Variants in KCNH7 observed in about 807,000 individuals in gnomAD.
KCNH7 encodes the protein potassium voltage-gated channel subfamily H member 7.
A neutral mutation model predicts 120.8 loss-of-function variants in KCNH7; 49 were observed. The ratio of observed to expected loss-of-function variants is 0.41; its 90% CI spans 0.32 to 0.51. The LOEUF is 0.51. Among genes scored for constraint, KCNH7 ranks in the 20% least tolerant of loss-of-function variants. The pLI is 0.38. For missense variants in KCNH7, 1,097 were observed against 1,446.6 expected, an observed-to-expected ratio of 0.76 and a Z score of 3.92; for synonymous variants, 547 against 516.1, an observed-to-expected ratio of 1.06 and a Z score of -0.81.
chr2:162,760,939 A>G (rs895762352), intron 2 of KCNH7, among the ~76,000 whole-genome samples: 5 of 152,274 alleles, frequency 3.3e-5, no homozygotes, highest in Middle Eastern at 3.4e-3. Flanking sequence ...TACGTGTAGA[A>G]TAGCAACTAA....
intron 6 of KCNH7, among the ~76,000 whole-genome samples, chr2:162,496,375 G>A (rs1690497932): frequency 6.6e-6 from 1 of 152,110 alleles, no homozygotes; most frequent in Non-Finnish European, 1.5e-5. Flanking sequence ...AAGCATGCCT[G>A]CAGTGGACTA....
chr2:162,568,013 A>C (rs1484784976), intron 2 of KCNH7, among the ~76,000 whole-genome samples: 1 of 152,046 alleles, frequency 6.6e-6, no homozygotes, highest in East Asian at 1.9e-4. Flanking sequence ...GTAATTTATA[A>C]ATTAAAAAGT....
At chr2:162,645,924 C>A (rs911391067) in intron 2 of KCNH7, among the ~76,000 whole-genome samples, 1 of 152,122 alleles carries the variant, frequency 6.6e-6, no homozygotes, top group African/African-American at 2.4e-5. Context: ...CACAAATCAC[C>A]CTTTTCCCTG....
chr2:162,475,990 C>T (rs1689727724), intron 6 of KCNH7, among the ~76,000 whole-genome samples: 1 of 152,196 alleles, frequency 6.6e-6, no homozygotes, highest in African/African-American at 2.4e-5. Flanking sequence ...TGAGATAATT[C>T]AACCTGGAAT....
chr2:162,584,108 G>A (rs2105921459), intron 2 of KCNH7, among the ~76,000 whole-genome samples: 1 of 152,192 alleles, frequency 6.6e-6, no homozygotes, highest in Non-Finnish European at 1.5e-5. Context: ...ACTGCATGTG[G>A]AATTGCTCTT....
At chr2:162,372,242 A>G (rs1279669529) in intron 15 of KCNH7, 147 bp from the exon 16 acceptor site, 2 of 671,042 alleles carry the variant, frequency 3.0e-6, no homozygotes, top group Non-Finnish European at 5.0e-6. Flanking sequence ...TCCTAAAATG[A>G]GTCAGGACGT....
intron 2 of KCNH7, among the ~76,000 whole-genome samples, chr2:162,657,108 C>T (rs1684790142): frequency 6.6e-6 from 1 of 152,210 alleles, no homozygotes; most frequent in African/African-American, 2.4e-5. Flanking sequence ...CCACAACCTG[C>T]ACCAGATTGG....
At chr2:162,809,305 G>T (rs1198297813) in intron 2 of KCNH7, among the ~76,000 whole-genome samples, 2 of 152,142 alleles carry the variant, frequency 1.3e-5, no homozygotes, top group African/African-American at 2.4e-5. Context: ...TAAGTCATAG[G>T]TCTGTTAACA....
chr2:162,389,692 C>T (rs980779608), intron 12 of KCNH7, among the ~76,000 whole-genome samples: 1 of 152,020 alleles, frequency 6.6e-6, no homozygotes, highest in Non-Finnish European at 1.5e-5. Flanking sequence ...ATATTTGAGG[C>T]GTTTCCACGC....
chr2:162,571,898 A>C (rs1693492044), intron 2 of KCNH7, among the ~76,000 whole-genome samples: 1 of 152,026 alleles, frequency 6.6e-6, no homozygotes. Flanking sequence ...AATCAATTCA[A>C]GATAGATTAA....
chr2:162,406,221 G>T (rs1319822792), intron 9 of KCNH7, among the ~76,000 whole-genome samples: 1 of 151,704 alleles, frequency 6.6e-6, no homozygotes, highest in African/African-American at 2.4e-5. Context: ...TTAAACGCCA[G>T]AACAAGTCTC....
chr2:162,762,196 G>A (rs1477959010), intron 2 of KCNH7, among the ~76,000 whole-genome samples: 1 of 150,444 alleles, frequency 6.6e-6, no homozygotes, highest in African/African-American at 2.4e-5. Flanking sequence ...CTTTTTCATG[G>A]CTTTTTTGTT....
chr2:162,371,447 C>A lies in KCNH7; in HGVS notation c.*382G>T. 7.8e-7 allele frequency: 1 copy of A among 1,274,410 alleles called. No individual in the cohort carries two copies. The highest frequency in any genetic ancestry group is 1.3e-5 in the South Asian group (1 of 79,200). The allele number at this position is 1,274,410 out of a possible 1,614,324, so 78.9% of individuals were successfully genotyped here. ...TCTGAATTTGAGTTGCATCCATGAA[C>A]AGTTTTATCCCTTGGTTTCTTATTT... On this transcript the variant is annotated 3_prime_UTR_variant, in exon 16 of 16. Coordinates refer to ENST00000332142, the MANE Select transcript of KCNH7 (RefSeq NM_033272.4).
intron 2 of KCNH7, among the ~76,000 whole-genome samples, chr2:162,741,598 A>G (rs1264691836): frequency 1.3e-5 from 2 of 152,088 alleles, no homozygotes; most frequent in Non-Finnish European, 2.9e-5. Flanking sequence ...CAGCCTGGTA[A>G]TTGATTGCAG....
At chr2:162,428,290 G>A (rs1293978079) in intron 8 of KCNH7, among the ~76,000 whole-genome samples, 1 of 151,344 alleles carries the variant, frequency 6.6e-6, no homozygotes, top group African/African-American at 2.4e-5. Context: ...TAAACATTTG[G>A]GGACTTTCTA....
At chr2:162,609,780 C>A (rs114059218) in intron 2 of KCNH7, among the ~76,000 whole-genome samples, 25 of 152,166 alleles carry the variant, frequency 1.6e-4, no homozygotes, top group Non-Finnish European at 2.2e-4. Context: ...CGAATAATAG[C>A]GACTCCTGAA....
chr2:162,422,646 T>C (rs1687744099), intron 9 of KCNH7, among the ~76,000 whole-genome samples: 1 of 152,078 alleles, frequency 6.6e-6, no homozygotes, highest in Non-Finnish European at 1.5e-5. Context: ...ATTAATAGTG[T>C]TGATTTTTGA....
At chr2:162,541,839 GAACTTAAAATAAAAATTGA>G (rs1692314341) in intron 2 of KCNH7, among the ~76,000 whole-genome samples, 1 of 151,930 alleles carries the variant, frequency 6.6e-6, no homozygotes, top group African/African-American at 2.4e-5. Context: ...ATGTACCCCT[GAACTTAAAATAAAAATTGA>G]AGAAAAAAAG....
chr2:162,658,225 C>G (rs1379120895), intron 2 of KCNH7, among the ~76,000 whole-genome samples: 1 of 151,554 alleles, frequency 6.6e-6, no homozygotes, highest in Non-Finnish European at 1.5e-5. Flanking sequence ...TCCAGTTTGT[C>G]TGGCATCATT....
Sources: gnomAD v4.1 joint callset for allele counts (sites outside exome capture counted in the v4.1 genomes callset) on GRCh38, gnomAD v4.1.1 for gene constraint, MANE v1.5 for transcripts, NCBI Gene and HGNC (gene_info 2026-07-23, HGNC 2026-07-21) for gene names.